Variants in ATP1A1 observed in about 807,000 individuals in gnomAD.
ATP1A1 encodes the protein ATPase Na+/K+ transporting subunit alpha 1, also known as sodium/potassium-transporting ATPase subunit alpha-1.
Under a neutral mutation model 114.8 loss-of-function variants are expected in ATP1A1, and 14 were observed. That is an observed-to-expected ratio of 0.12 (90% CI 0.08 to 0.19). The LOEUF is 0.19. Among genes scored for constraint, ATP1A1 ranks in the 10% least tolerant of loss-of-function variants. The pLI is 1.00. For missense variants in ATP1A1, 524 were observed against 1,290.7 expected, an observed-to-expected ratio of 0.41 and a Z score of 9.10; for synonymous variants, 471 against 466.3, an observed-to-expected ratio of 1.01 and a Z score of -0.13.
rs749782788 is a variant in ATP1A1, at chr1:116,388,340, C to T, written c.501+96C>T. The T allele has an allele frequency of 2.2e-4, 240 of 1,113,092 alleles. No individual in the cohort carries two copies. Among genetic ancestry groups the T allele is most frequent in the Non-Finnish European group, 2.9e-4 (222 of 754,000 alleles). 69.0% of individuals were successfully genotyped at this position (1,113,092 alleles called of 1,614,324 possible). A position where few individuals can be genotyped will look rare whatever the true frequency, so the allele number is the denominator to read the frequency against. On this transcript the variant is annotated intron_variant, in intron 5 of 22. Transcript: ENST00000295598. This position sits in a 1 kb window ranked among gnomAD's most constrained non-coding sequence, Gnocchi z 5.6. ...TGAAGTTAAGGTTTTCCAAGTATTA[C>T]ATGACTCATCAGAGAGATGGATGTC... is the stretch of plus-strand genomic sequence containing the variant.
At chr1:116,394,549 G>C (rs1373945187) in intron 12 of ATP1A1, among the ~76,000 whole-genome samples, 1 of 152,024 alleles carries the variant, frequency 6.6e-6, no homozygotes, top group Non-Finnish European at 1.5e-5. Context: ...ACATTGAAAA[G>C]AATGTCTTAC....
chr1:116,402,717 T>C (rs1653602391), intron 21 of ATP1A1, among the ~76,000 whole-genome samples: 1 of 152,210 alleles, frequency 6.6e-6, no homozygotes, highest in African/African-American at 2.4e-5. Context: ...CCCACATCCC[T>C]CCTTCTGTTC....
At chr1:116,383,898 A>G in intron 1 of ATP1A1, 116 bp from the exon 2 acceptor site, 2 of 816,470 alleles carry the variant, frequency 2.4e-6, no homozygotes, top group Non-Finnish European at 2.0e-6. Flanking sequence ...TATTATCTTA[A>G]TGACTATTCC....
intron 1 of ATP1A1, chr1:116,374,322 TGGGGAGA>T: frequency 6.5e-7 from 1 of 1,547,310 alleles, no homozygotes; most frequent in Non-Finnish European, 8.7e-7. Context: ...CATCCGATGG[TGGGGAGA>T]GGCGTGCAGA....
At chr1:116,386,341 C>T (rs1652091657) in intron 3 of ATP1A1, among the ~76,000 whole-genome samples, 1 of 152,036 alleles carries the variant, frequency 6.6e-6, no homozygotes, top group Admixed American at 6.6e-5. Context: ...AGTGTGCTCT[C>T]TCCGACCTAT....
chr1:116,398,157 T>A lies in ATP1A1; in HGVS notation c.2124+119T>A. ...ATACCTCGCTGTATTAGACTCAGTATAAATAGGCCAGTAGGAAGCTCATAG... is the reference window on the plus strand; with the variant it reads ...ATACCTCGCTGTATTAGACTCAGTAAAAATAGGCCAGTAGGAAGCTCATAG... On this transcript the variant is annotated intron_variant, in intron 15 of 22. Transcript: ENST00000295598. The surrounding 1 kb of genome is among the most constrained non-coding windows in gnomAD (Gnocchi z 6.1). 7.3e-7 allele frequency: 1 copy of A among 1,366,984 alleles called. No individual in the cohort carries two copies. The highest frequency in any genetic ancestry group is 9.9e-7 in the Non-Finnish European group (1 of 1,009,448). 84.7% of individuals were successfully genotyped at this position (1,366,984 alleles called of 1,614,324 possible).
chr1:116,375,804 A>G (rs555715980), intron 1 of ATP1A1, among the ~76,000 whole-genome samples: 2 of 152,352 alleles, frequency 1.3e-5, no homozygotes, highest in African/African-American at 4.8e-5. Context: ...GCTAACAAGG[A>G]AGCCTGTGCC....
At chr1:116,380,747 C>T (rs1241726546) in intron 1 of ATP1A1, among the ~76,000 whole-genome samples, 1 of 152,128 alleles carries the variant, frequency 6.6e-6, no homozygotes, top group Non-Finnish European at 1.5e-5. Flanking sequence ...TTTATCTTCT[C>T]ATGTCTTGGG....
chr1:116,375,001 G>GT (rs1397618622), intron 1 of ATP1A1, among the ~76,000 whole-genome samples: 1 of 152,212 alleles, frequency 6.6e-6, no homozygotes, highest in African/African-American at 2.4e-5. Flanking sequence ...AAAGAGCGGA[G>GT]TACAGGGCCT....
chr1:116,373,431 G>C lies in ATP1A1; in HGVS notation c.-81G>C, dbSNP rs1335937976. 14 of 1,395,526 alleles carry C rather than the reference G, an allele frequency of 1.0e-5. No individual in the cohort carries two copies. The highest frequency in any genetic ancestry group is 5.0e-5 in the Admixed American group (2 of 40,258). 86.4% of individuals were successfully genotyped at this position (1,395,526 alleles called of 1,614,324 possible). A position where few individuals can be genotyped will look rare whatever the true frequency, so the allele number is the denominator to read the frequency against. On this transcript the variant is annotated 5_prime_UTR_variant, in exon 1 of 23. Coordinates refer to ENST00000295598, the MANE Select transcript of ATP1A1 (RefSeq NM_000701.8). ...CCACTTGGCTCCCCTGGTCCCGCTCGCTCGGCCGGGAGCTGCTCTGTGCTT... is the reference window on the plus strand; with the variant it reads ...CCACTTGGCTCCCCTGGTCCCGCTCCCTCGGCCGGGAGCTGCTCTGTGCTT...
At chr1:116,375,922 G>A (rs919647719) in intron 1 of ATP1A1, among the ~76,000 whole-genome samples, 5 of 152,210 alleles carry the variant, frequency 3.3e-5, no homozygotes, top group African/African-American at 1.2e-4. Flanking sequence ...GTCCTTAAAA[G>A]TCTAGTTCCT....
In ATP1A1 at chr1:116,388,354, G is replaced by A. The variant is rs1287612153; in HGVS notation, c.501+110G>A. 1 of 1,041,162 alleles carries A rather than the reference G, an allele frequency of 9.6e-7. No individual in the cohort carries two copies. Among genetic ancestry groups the A allele is most frequent in the Non-Finnish European group, 1.4e-6 (1 of 698,488 alleles). The allele number at this position is 1,041,162 out of a possible 1,614,324, so 64.5% of individuals were successfully genotyped here. A position where few individuals can be genotyped will look rare whatever the true frequency, so the allele number is the denominator to read the frequency against. ...TCCAAGTATTACATGACTCATCAGA[G>A]AGATGGATGTCTTCTACCCCACCCA... is the stretch of plus-strand genomic sequence containing the variant. On this transcript the variant is annotated intron_variant, in intron 5 of 22. Coordinates refer to ENST00000295598, the MANE Select transcript of ATP1A1 (RefSeq NM_000701.8). This position sits in a 1 kb window ranked among gnomAD's most constrained non-coding sequence, Gnocchi z 5.6.
In ATP1A1 at chr1:116,387,577, C is replaced by A; in HGVS notation, c.387+86C>A. ...GTCTCCCACTTCTTCTCAATTACCA[C>A]TCATTACTTAATGGTTATGAACTCA... On this transcript the variant is annotated intron_variant, in intron 4 of 22. Transcript: ENST00000295598. The surrounding 1 kb of genome is among the most constrained non-coding windows in gnomAD (Gnocchi z 6.7). 1 of 1,406,792 alleles carries A rather than the reference C, an allele frequency of 7.1e-7. No individual in the cohort carries two copies. Among genetic ancestry groups the A allele is most frequent in the Non-Finnish European group, 9.9e-7 (1 of 1,013,644 alleles). The allele number at this position is 1,406,792 out of a possible 1,614,324, so 87.1% of individuals were successfully genotyped here.
In ATP1A1 at chr1:116,404,408, A is replaced by G. The variant is rs758061391; in HGVS notation, c.3044-8A>G. On this transcript the variant is annotated splice_region_variant and splice_polypyrimidine_tract_variant and intron_variant, in intron 22 of 22. Transcript: ENST00000295598. The surrounding 1 kb of genome is among the most constrained non-coding windows in gnomAD (Gnocchi z 4.8). Reference sequence around the variant, plus strand: ...AGTGTGTCTTGTCTGTCTCTTTGCCACCCACAGGCTGGGTGGAGAAGGAAA... The same window carrying G: ...AGTGTGTCTTGTCTGTCTCTTTGCCGCCCACAGGCTGGGTGGAGAAGGAAA... The G allele has an allele frequency of 6.2e-7, 1 of 1,613,604 alleles. No homozygotes were observed. Among genetic ancestry groups the G allele is most frequent in the South Asian group, 1.1e-5 (1 of 91,028 alleles).
chr1:116,388,126 T>G lies in ATP1A1; in HGVS notation c.388-5T>G. 1 of 1,607,070 alleles carries G rather than the reference T, an allele frequency of 6.2e-7. No individual in the cohort carries two copies. Among genetic ancestry groups the G allele is most frequent in the East Asian group, 2.2e-5 (1 of 44,784 alleles). On this transcript the variant is annotated splice_polypyrimidine_tract_variant and splice_region_variant and intron_variant, in intron 4 of 22. Coordinates refer to ENST00000295598, the MANE Select transcript of ATP1A1 (RefSeq NM_000701.8). The surrounding 1 kb of genome is among the most constrained non-coding windows in gnomAD (Gnocchi z 5.6). ...ACGGGCCCTAACTTGTCTTTTCCCT[T>G]CCAGCTGTACCTGGGTGTGGTGCTA...
intron 1 of ATP1A1, among the ~76,000 whole-genome samples, chr1:116,378,277 T>G (rs1238245947): frequency 6.6e-6 from 1 of 152,256 alleles, no homozygotes; most frequent in Non-Finnish European, 1.5e-5. Flanking sequence ...TTTGTGACTT[T>G]ACAGTGAATC....
rs1168911183 is a variant in ATP1A1, at chr1:116,387,519, T to C, written c.387+28T>C. 2 of 1,608,322 alleles carry C rather than the reference T, an allele frequency of 1.2e-6. No individual in the cohort carries two copies. The highest frequency in any genetic ancestry group is 1.7e-5 in the Admixed American group (1 of 59,946). ...GAGTTCTGTAATTCAGCATATGGATTTGTAGTACACATCAGATATCTTCTC... is the reference window on the plus strand; with the variant it reads ...GAGTTCTGTAATTCAGCATATGGATCTGTAGTACACATCAGATATCTTCTC... On this transcript the variant is annotated intron_variant, in intron 4 of 22. Coordinates refer to ENST00000295598, the MANE Select transcript of ATP1A1 (RefSeq NM_000701.8). This position sits in a 1 kb window ranked among gnomAD's most constrained non-coding sequence, Gnocchi z 6.7.
At chr1:116,374,147 C>T (rs974664181) in intron 1 of ATP1A1, 5 of 1,548,664 alleles carry the variant, frequency 3.2e-6, no homozygotes, top group Non-Finnish European at 4.4e-6. Context: ...CCGCCCTCCC[C>T]CAAAGAAAAA....
rs1653814644 is a variant in ATP1A1 at position 116,404,526 on chromosome 1, G to C, written c.*82G>C. On this transcript the variant is annotated 3_prime_UTR_variant, in exon 23 of 23. Transcript: ENST00000295598. The surrounding 1 kb of genome is among the most constrained non-coding windows in gnomAD (Gnocchi z 4.8). ...CCCCCTCTTTGTGTACTTCAGTCTTGGAGTTTGGAACTCTACCCTGGTAGG... is the reference window on the plus strand; with the variant it reads ...CCCCCTCTTTGTGTACTTCAGTCTTCGAGTTTGGAACTCTACCCTGGTAGG... 6.5e-7 allele frequency: 1 copy of C among 1,529,002 alleles called. No individual in the cohort carries two copies. Among genetic ancestry groups the C allele is most frequent in the Non-Finnish European group, 8.7e-7 (1 of 1,144,582 alleles). The allele number at this position is 1,529,002 out of a possible 1,614,324, so 94.7% of individuals were successfully genotyped here.
Sources: allele counts gnomAD v4.1 joint callset (sites outside exome capture counted in the v4.1 genomes callset), GRCh38; gene constraint gnomAD v4.1.1; non-coding constraint Gnocchi (gnomAD v3.1); transcripts MANE v1.5; gene names NCBI Gene and HGNC (gene_info 2026-07-23, HGNC 2026-07-21).